The following WDR25 variants were observed in gnomAD, a reference collection of about 807,000 sequenced individuals.
The protein encoded by WDR25 is WD repeat-containing protein 25.
WDR25 carries 35 observed loss-of-function variants against 47.7 expected under a neutral mutation model. The ratio of observed to expected loss-of-function variants is 0.73; its 90% CI spans 0.56 to 0.97. The LOEUF (loss-of-function observed/expected upper bound fraction) is 0.97. WDR25 is among the 50% of genes least tolerant of loss of function. WDR25 has a pLI of 0.00. For synonymous variants in WDR25, 248 were observed against 278.9 expected (o/e 0.89, Z 1.10); for missense variants, 634 against 704.7 (o/e 0.90, Z 1.14).
At chr14:100,510,137 G>A (rs1164317880) in intron 4 of WDR25, among the ~76,000 whole-genome samples, 11 of 151,904 alleles carry the variant, frequency 7.2e-5, no homozygotes, top group Non-Finnish European at 1.3e-4. Flanking sequence ...GGGCGTGGTG[G>A]CGTGTGTCTG....
chr14:100,438,674 C>G (rs900156992), intron 2 of WDR25, among the ~76,000 whole-genome samples: 3 of 152,170 alleles, frequency 2.0e-5, no homozygotes, highest in African/African-American at 7.2e-5. Context: ...AGGTTTGATT[C>G]TCTGGCTTTT....
intron 2 of WDR25, among the ~76,000 whole-genome samples, chr14:100,394,211 C>A (rs574890119): frequency 4.6e-5 from 7 of 152,156 alleles, no homozygotes; most frequent in Non-Finnish European, 8.8e-5. Flanking sequence ...TAATCCGGTG[C>A]GCACCCAGTG....
chr14:100,518,501 C>A (rs1901584684), intron 4 of WDR25, among the ~76,000 whole-genome samples: 1 of 151,156 alleles, frequency 6.6e-6, no homozygotes, highest in Non-Finnish European at 1.5e-5. Flanking sequence ...GTTGCAGAGT[C>A]TCTTGACTTT....
chr14:100,459,894 G>GTGTATATATATATATATATATATA (rs1172584092), intron 2 of WDR25, among the ~76,000 whole-genome samples: 1 of 78,284 alleles, frequency 1.3e-5, no homozygotes, highest in Non-Finnish European at 2.7e-5. Flanking sequence ...GTGTGTGTGT[G>GTGTATATATATATATATATATATA]TATATATATA....
At chr14:100,405,961 G>T (rs778131478) in intron 2 of WDR25, among the ~76,000 whole-genome samples, 3 of 152,188 alleles carry the variant, frequency 2.0e-5, no homozygotes, top group Admixed American at 6.5e-5. Context: ...CAATCAATCC[G>T]TTTCTTGACT....
chr14:100,492,573 A>G (rs182536666), intron 4 of WDR25, among the ~76,000 whole-genome samples: 2 of 152,350 alleles, frequency 1.3e-5, no homozygotes, highest in East Asian at 3.9e-4. Flanking sequence ...TTCTATAAAT[A>G]TGATGTTTCT....
In WDR25 at chr14:100,529,790, CT is replaced by C; in HGVS notation, c.1414-28del. The C allele has an allele frequency of 1.2e-6, 2 of 1,602,224 alleles. No individual in the cohort carries two copies. The highest frequency in any genetic ancestry group is 1.7e-6 in the Non-Finnish European group (2 of 1,174,782). On this transcript the variant is annotated intron_variant, in intron 6 of 6. Coordinates refer to ENST00000402312, the MANE Select transcript of WDR25 (RefSeq NM_001161476.3). This position sits in a 1 kb window ranked among gnomAD's most constrained non-coding sequence, Gnocchi z 5.1. The stretch of plus-strand genomic sequence containing the variant: ...ACTCACCCCGGCTTGACAGGTGCGG[CT>C]TGCTCACCCACTGTGTCCCTCTCTG...
At chr14:100,509,031 G>A (rs191831995) in intron 4 of WDR25, among the ~76,000 whole-genome samples, 158 of 152,076 alleles carry the variant, frequency 1.0e-3, no homozygotes, top group Middle Eastern at 3.4e-3. Context: ...ATTATTGATC[G>A]ATACATTTTT....
At position 100,429,152 on chromosome 14, in the gene WDR25, C is replaced by A. The variant is rs908827676; in HGVS notation, c.823-38869C>A. On this transcript the variant is annotated intron_variant, in intron 2 of 6. Coordinates refer to ENST00000402312, the MANE Select transcript of WDR25 (RefSeq NM_001161476.3). Reference sequence around the variant, plus strand: ...CTGCAGAACAGGACCTGTCCTGACTCCGTGCTCAAAGTGCTGAGTGACCCT... The same window carrying A: ...CTGCAGAACAGGACCTGTCCTGACTACGTGCTCAAAGTGCTGAGTGACCCT... 3.9e-5 allele frequency among the ~76,000 whole-genome samples: 6 copies of A among 152,314 alleles called. No individual in the cohort carries two copies. In the South Asian group the frequency reaches 1.2e-3, roughly 32 times the overall value.
rs190587415 is a variant in WDR25, at chr14:100,502,779, A to G, written c.1101+18655A>G. Among the ~76,000 whole-genome samples the G allele has an allele frequency of 2.7e-4, 41 of 152,294 alleles. No individual in the cohort carries two copies. Among genetic ancestry groups the G allele is most frequent in the African/African-American group, 9.6e-4 (40 of 41,566 alleles). On this transcript the variant is annotated intron_variant, in intron 4 of 6. Coordinates refer to ENST00000402312, the MANE Select transcript of WDR25 (RefSeq NM_001161476.3). This position sits in a 1 kb window ranked among gnomAD's most constrained non-coding sequence, Gnocchi z 4.5. Reference sequence around the variant, plus strand: ...TAATGATTTTGCTTGCCACATTGGGAGGCTTGGCTGGCAGAGGGTTTCAAA... The same window carrying G: ...TAATGATTTTGCTTGCCACATTGGGGGGCTTGGCTGGCAGAGGGTTTCAAA...
intron 3 of WDR25, among the ~76,000 whole-genome samples, chr14:100,479,175 G>A (rs1171132447): frequency 1.3e-5 from 2 of 152,130 alleles, no homozygotes; most frequent in Non-Finnish European, 2.9e-5. Context: ...CCAGCCGCTT[G>A]GCTGAAGCGA....
chr14:100,413,519 T>C (rs898590124), intron 2 of WDR25, among the ~76,000 whole-genome samples: 4 of 151,872 alleles, frequency 2.6e-5, no homozygotes, highest in African/African-American at 9.7e-5. Context: ...GTTCACGCCA[T>C]TCTCCTGCCT....
At chr14:100,518,763 T>C (rs7492578) in intron 4 of WDR25, among the ~76,000 whole-genome samples, 85,099 of 151,798 alleles carry the variant, frequency 0.56, 27,550 homozygotes, top group African/African-American at 0.89. Context: ...TTGCAACGTG[T>C]GCCTGTAGTC....
At chr14:100,443,179 C>A (rs1219573596) in intron 2 of WDR25, among the ~76,000 whole-genome samples, 2 of 152,254 alleles carry the variant, frequency 1.3e-5, no homozygotes, top group Non-Finnish European at 2.9e-5. Context: ...GACTCCAAGC[C>A]TGTCTTTCCT....
Position 100,425,375 on chromosome 14 carries a change from G to A in WDR25, c.823-42646G>A, listed in dbSNP as rs529311906. 6.6e-6 allele frequency among the ~76,000 whole-genome samples: 1 copy of A among 152,368 alleles called. No homozygotes were observed. The highest frequency in any genetic ancestry group is 1.9e-4 in the East Asian group (1 of 5,190). On this transcript the variant is annotated intron_variant, in intron 2 of 6. Coordinates refer to ENST00000402312, the MANE Select transcript of WDR25 (RefSeq NM_001161476.3). This position sits in a 1 kb window ranked among gnomAD's most constrained non-coding sequence, Gnocchi z 4.8. The stretch of plus-strand genomic sequence containing the variant: ...GCACACACCCAGGAGTAGCTGTTGG[G>A]TGGATATACAAATGTTGCCATAGGT...
intron 3 of WDR25, among the ~76,000 whole-genome samples, chr14:100,471,382 C>A (rs1899827397): frequency 6.6e-6 from 1 of 152,210 alleles, no homozygotes; most frequent in Non-Finnish European, 1.5e-5. Flanking sequence ...ACCTATGTCT[C>A]CCCCTATGTC....
intron 2 of WDR25, 109 bp from the exon 3 acceptor site, chr14:100,467,912 T>G: frequency 4.4e-4 from 594 of 1,351,512 alleles, no homozygotes; most frequent in Non-Finnish European, 5.7e-4. Context: ...GGTAAAATAA[T>G]GAGAATCTAA....
In WDR25 at chr14:100,502,459, C is replaced by T. The variant is rs932722855; in HGVS notation, c.1101+18335C>T. On this transcript the variant is annotated intron_variant, in intron 4 of 6. Transcript: ENST00000402312. The surrounding 1 kb of genome is among the most constrained non-coding windows in gnomAD (Gnocchi z 4.5). ...TGGCTCTGACGAGGCCTTCCTGCTGCGAGTAGTCAGCTCCCTCTCCTGGAG... is the reference window on the plus strand; with the variant it reads ...TGGCTCTGACGAGGCCTTCCTGCTGTGAGTAGTCAGCTCCCTCTCCTGGAG... 2.0e-5 allele frequency among the ~76,000 whole-genome samples: 3 copies of T among 152,204 alleles called. No homozygotes were observed. The highest frequency in any genetic ancestry group is 4.4e-5 in the Non-Finnish European group (3 of 68,028).
At position 100,423,099 on chromosome 14, in the gene WDR25, T is replaced by A. The variant is rs942404907; in HGVS notation, c.822+41353T>A. ...TCACCTCTCTATAATTTGCCCAATT[T>A]AAAAATGCCCTGAAGCTTGCTTTCT... On this transcript the variant is annotated intron_variant, in intron 2 of 6. Transcript: ENST00000402312. 4.6e-5 allele frequency among the ~76,000 whole-genome samples: 7 copies of A among 152,358 alleles called. No homozygotes were observed. The East Asian group carries it at 1.2e-3, about 25-fold the overall frequency.
Sources: gnomAD v4.1 joint callset for allele counts (sites outside exome capture counted in the v4.1 genomes callset) on GRCh38, gnomAD v4.1.1 for gene constraint, Gnocchi (gnomAD v3.1) non-coding constraint, MANE v1.5 for transcripts, NCBI Gene and HGNC (gene_info 2026-07-23, HGNC 2026-07-21) for gene names.